Variants in IL7 observed in about 807,000 individuals in gnomAD.
IL7 encodes interleukin 7.
A neutral mutation model predicts 21.6 loss-of-function variants in IL7; 3 were observed. The observed-to-expected ratio is 0.14, with a 90% CI of 0.06 to 0.36. IL7 has a LOEUF of 0.36. IL7 is among the 10% of genes least tolerant of loss of function. The pLI is 1.00. For missense variants in IL7, 175 were observed against 200.2 expected (o/e 0.87, Z 0.76); for synonymous variants, 62 against 68.1 (o/e 0.91, Z 0.44).
intron 3 of IL7, chr8:78,712,124 A>G: frequency 8.0e-7 from 1 of 1,247,078 alleles, no homozygotes. Flanking sequence ...TTTGTAACTC[A>G]GTTTGGTTAA....
At chr8:78,693,181 G>T (rs189747073) in intron 3 of IL7, among the ~76,000 whole-genome samples, 1 of 152,144 alleles carries the variant, frequency 6.6e-6, no homozygotes, top group African/African-American at 2.4e-5. Context: ...GAATAGTGCC[G>T]CAATAAACAT....
intron 2 of IL7, among the ~76,000 whole-genome samples, chr8:78,771,291 G>A (rs761221776): frequency 1.3e-4 from 20 of 151,752 alleles, no homozygotes; most frequent in Admixed American, 2.6e-4. Flanking sequence ...AGTTTTGATT[G>A]GTCTAAGACT....
At chr8:78,705,156 G>C (rs1033842609) in intron 3 of IL7, among the ~76,000 whole-genome samples, 23 of 152,206 alleles carry the variant, frequency 1.5e-4, no homozygotes, top group Non-Finnish European at 1.9e-4. Context: ...CCTGATTCCT[G>C]TTGGAGAGGT....
downstream of IL7, chr8:78,717,503 CAA>C (rs5892663): frequency 5.1e-4 from 635 of 1,253,684 alleles, no homozygotes; most frequent in South Asian, 2.3e-3. Context: ...AATAGAATCT[CAA>C]AAAAAAAAAA....
intron 4 of IL7, among the ~76,000 whole-genome samples, chr8:78,682,456 G>A (rs536651498): frequency 2.6e-5 from 4 of 152,194 alleles, no homozygotes; most frequent in African/African-American, 4.8e-5. Flanking sequence ...CTTACATGGC[G>A]GCAGACAAGA....
chr8:78,792,922 C>T (rs982290010), intron 2 of IL7, among the ~76,000 whole-genome samples: 1 of 152,064 alleles, frequency 6.6e-6, no homozygotes, highest in East Asian at 1.9e-4. Flanking sequence ...CTACTAGGAA[C>T]ATATCAAGAC....
chr8:78,748,240 A>G (rs1011835830), intron 2 of IL7, among the ~76,000 whole-genome samples: 1 of 152,324 alleles, frequency 6.6e-6, no homozygotes, highest in African/African-American at 2.4e-5. Flanking sequence ...ACTTTTTTCA[A>G]TGGTCATATT....
At chr8:78,760,682 G>A in intron 2 of IL7, 1 of 1,593,190 alleles carries the variant, frequency 6.3e-7, no homozygotes, top group Non-Finnish European at 8.6e-7. Context: ...GTGCTCCACT[G>A]TTGGGACACT....
downstream of IL7, among the ~76,000 whole-genome samples, chr8:78,732,212 C>T (rs1402327604): frequency 6.6e-6 from 1 of 152,102 alleles, no homozygotes; most frequent in Non-Finnish European, 1.5e-5. Flanking sequence ...ATCAACTCAT[C>T]TTTCTGGAGT....
chr8:78,736,327 G>A (rs1811595086), intron 5 of IL7, 147 bp downstream of exon 5: 1 of 470,276 alleles, frequency 2.1e-6, no homozygotes, highest in Non-Finnish European at 3.8e-6. Flanking sequence ...AAATTTTTGA[G>A]GGGCACCTCG....
At chr8:78,698,387 T>C (rs774369405) in intron 3 of IL7, 3 of 1,570,520 alleles carry the variant, frequency 1.9e-6, no homozygotes, top group South Asian at 2.3e-5. Context: ...TAGAGTATTG[T>C]TAAAAATAAT....
At chr8:78,727,033 C>T (rs1432484235) in intron 3 of IL7, among the ~76,000 whole-genome samples, 3 of 151,910 alleles carry the variant, frequency 2.0e-5, no homozygotes, top group African/African-American at 7.2e-5. Context: ...TAGAACTGGT[C>T]CTGAGACCAT....
intron 3 of IL7, among the ~76,000 whole-genome samples, chr8:78,723,576 G>C (rs1354045115): frequency 6.6e-6 from 1 of 151,996 alleles, no homozygotes; most frequent in Non-Finnish European, 1.5e-5. Flanking sequence ...CAAAAGTTTA[G>C]AGGGCAGAAA....
chr8:78,707,774 A>T (rs1810821217), intron 3 of IL7, among the ~76,000 whole-genome samples: 1 of 152,196 alleles, frequency 6.6e-6, no homozygotes, highest in African/African-American at 2.4e-5. Flanking sequence ...TTACTATATT[A>T]ACTGGAACAT....
intron 3 of IL7, among the ~76,000 whole-genome samples, chr8:78,687,972 A>G (rs1332697791): frequency 1.4e-5 from 2 of 144,788 alleles, no homozygotes; most frequent in South Asian, 4.2e-4. Flanking sequence ...TTATATATAA[A>G]TATATATAAA....
chr8:78,718,790 A>G (rs887429590), intron 6 of IL7: 1 of 151,842 alleles, frequency 6.6e-6, no homozygotes, highest in African/African-American at 2.4e-5. Flanking sequence ...GTAATTCTGT[A>G]GTAATTTCTA....
chr8:78,803,829 C>G (rs1032844682), intron 1 of IL7, among the ~76,000 whole-genome samples: 1 of 152,148 alleles, frequency 6.6e-6, no homozygotes, highest in Non-Finnish European at 1.5e-5. Context: ...TCTTTCCGCT[C>G]TCTCTATCTT....
chr8:78,798,046 G>A (rs1813920874), intron 2 of IL7, 26 bp downstream of exon 2: 3 of 1,564,000 alleles, frequency 1.9e-6, no homozygotes, highest in Non-Finnish European at 2.6e-6. Flanking sequence ...GCATGAAAAT[G>A]TGAGTAAAAC....
At chr8:78,689,461 CTA>C in intron 3 of IL7, 1 of 1,252,262 alleles carries the variant, frequency 8.0e-7, no homozygotes, top group Non-Finnish European at 1.1e-6. Flanking sequence ...TGACATTAGA[CTA>C]TATTTTTCTC....
Sources: gnomAD v4.1 joint callset for allele counts (sites outside exome capture counted in the v4.1 genomes callset) on GRCh38, gnomAD v4.1.1 for gene constraint, MANE v1.5 for transcripts, NCBI Gene and HGNC (gene_info 2026-07-23, HGNC 2026-07-21) for gene names.